Variants in NFIX observed in about 807,000 individuals in gnomAD.
NFIX encodes the protein nuclear factor I X.
NFIX carries 2 observed loss-of-function variants against 53.3 expected under a neutral mutation model. The ratio of observed to expected loss-of-function variants is 0.04; its 90% confidence interval spans 0.02 to 0.12. The LOEUF is 0.12. Ranked by LOEUF, NFIX falls within the 10% of genes least tolerant of loss-of-function variation. The pLI, the probability that NFIX is intolerant of heterozygous loss-of-function variation, is 1.00. For synonymous variants in NFIX, 244 were observed against 289.0 expected, an observed-to-expected ratio of 0.84 and a Z score of 1.58; for missense variants, 310 against 674.5, an observed-to-expected ratio of 0.46 and a Z score of 5.99.
chr19:13,018,637 C>A (rs2012799078), intron 1 of NFIX, among the ~76,000 whole-genome samples: 1 of 152,212 alleles, frequency 6.6e-6, no homozygotes, highest in South Asian at 2.1e-4. Context: ...TTCTCGTTGG[C>A]CCCCAACTGA....
rs1228869986 is a variant in NFIX, at chr19:13,098,782, G to T, written c.*4133G>T. 6.2e-6 allele frequency: 1 copy of T among 162,138 alleles called. No individual in the cohort carries two copies. Among genetic ancestry groups the T allele is most frequent in the Non-Finnish European group, 1.4e-5 (1 of 73,828 alleles). 10.0% of individuals were successfully genotyped at this position (162,138 alleles called of 1,614,324 possible). On this transcript the variant is annotated 3_prime_UTR_variant, in exon 11 of 11. Coordinates refer to ENST00000592199, the MANE Select transcript of NFIX (RefSeq NM_001365902.3). The stretch of plus-strand genomic sequence containing the variant: ...TGTGTATGTGAAATAAAGAAATAAA[G>T]AAAAACAAACGCGAGAGCGCCTGAC...
At position 13,037,811 on chromosome 19, in the gene NFIX, G is replaced by C. The variant is rs370782396; in HGVS notation, c.559+12259G>C. Among the ~76,000 whole-genome samples the C allele has an allele frequency of 4.6e-5, 7 of 152,090 alleles. No homozygotes were observed. The highest frequency in any genetic ancestry group is 1.9e-4 in the East Asian group (1 of 5,184). ...GAACACTTTTGGTTGTCACAGTTGT[G>C]GGGGGAGGGTGCTATTGGAATCTAG... On this transcript the variant is annotated intron_variant, in intron 2 of 10. Transcript: ENST00000592199. The surrounding 1 kb of genome is among the most constrained non-coding windows in gnomAD (Gnocchi z 4.2).
Position 13,013,120 on chromosome 19 carries a change from G to T in NFIX, c.28-11901G>T, listed in dbSNP as rs1032482127. Among the ~76,000 whole-genome samples, 1 of 151,266 alleles carries T rather than the reference G, an allele frequency of 6.6e-6. No homozygotes were observed. Among genetic ancestry groups the T allele is most frequent in the African/African-American group, 2.4e-5 (1 of 41,192 alleles). On this transcript the variant is annotated intron_variant, in intron 1 of 10. Transcript: ENST00000592199. The surrounding 1 kb of genome is among the most constrained non-coding windows in gnomAD (Gnocchi z 5.9). ...CCCCTCCAAGTCCCTTTCGATCTAC[G>T]CCACCTTCCCTCTCAGGGCTGATTT... is the stretch of plus-strand genomic sequence containing the variant.
Position 13,011,789 on chromosome 19 carries a change from G to A in NFIX, c.28-13232G>A, listed in dbSNP as rs2145155233. Among the ~76,000 whole-genome samples the A allele has an allele frequency of 6.6e-6, 1 of 152,248 alleles. No homozygotes were observed. Among genetic ancestry groups the A allele is most frequent in the African/African-American group, 2.4e-5 (1 of 41,540 alleles). Reference sequence around the variant, plus strand: ...CAAGTGCGCCCCTCGACAGGTGCCCGTCGCCCACAGGCTCCTTTCATTGTA... The same window carrying A: ...CAAGTGCGCCCCTCGACAGGTGCCCATCGCCCACAGGCTCCTTTCATTGTA... On this transcript the variant is annotated intron_variant, in intron 1 of 10. Transcript: ENST00000592199. The surrounding 1 kb of genome is among the most constrained non-coding windows in gnomAD (Gnocchi z 6.5).
Position 13,072,402 on chromosome 19 carries a change from G to A in NFIX, c.560-645G>A, listed in dbSNP as rs1187509913. On this transcript the variant is annotated intron_variant, in intron 2 of 10. Coordinates refer to ENST00000592199, the MANE Select transcript of NFIX (RefSeq NM_001365902.3). This position sits in a 1 kb window ranked among gnomAD's most constrained non-coding sequence, Gnocchi z 4.0. ...ACAGGCTGGCACAGAGCGGGCGACA[G>A]CGTCAGGGCAGACCTCCCCCCTCTG... Among the ~76,000 whole-genome samples, 1 of 152,270 alleles carries A rather than the reference G, an allele frequency of 6.6e-6. No individual in the cohort carries two copies. The highest frequency in any genetic ancestry group is 1.5e-5 in the Non-Finnish European group (1 of 68,052).
chr19:13,078,807 G>A lies in NFIX; in HGVS notation c.1078+72G>A, dbSNP rs1451138852. 6.7e-7 allele frequency: 1 copy of A among 1,492,692 alleles called. No homozygotes were observed. Among genetic ancestry groups the A allele is most frequent in the African/African-American group, 1.7e-5 (1 of 57,746 alleles). 92.5% of individuals were successfully genotyped at this position (1,492,692 alleles called of 1,614,324 possible). ...AGTATCTAGGGGCAGCTGGCCAGGT[G>A]AAGGGGCCAGAGCTGACCCCGAGTG... On this transcript the variant is annotated intron_variant, in intron 7 of 10. Coordinates refer to ENST00000592199, the MANE Select transcript of NFIX (RefSeq NM_001365902.3). This position sits in a 1 kb window ranked among gnomAD's most constrained non-coding sequence, Gnocchi z 4.7.
chr19:13,087,860 A>AGAG (rs2017878839), intron 8 of NFIX, 129 bp from the exon 9 acceptor site: 2 of 884,916 alleles, frequency 2.3e-6, no homozygotes, highest in African/African-American at 3.5e-5. Context: ...GCCCTGGAGG[A>AGAG]GAGGACCCAA....
intron 1 of NFIX, among the ~76,000 whole-genome samples, chr19:12,997,417 C>T (rs931586033): frequency 2.0e-5 from 3 of 152,178 alleles, no homozygotes; most frequent in Admixed American, 6.5e-5. Context: ...TTGGCGAGGG[C>T]GCACCGGCAT....
Position 12,995,782 on chromosome 19 carries a change from TGCCGG to T in NFIX, c.-52_-48del. ...CCCGAGCCCGAGCGCGGCCGCCGCC[TGCCGG>T]GCCTCCCCTCGCCGCGGCCGGCCGC... On this transcript the variant is annotated 5_prime_UTR_variant, in exon 1 of 11. Coordinates refer to ENST00000592199, the MANE Select transcript of NFIX (RefSeq NM_001365902.3). 1 of 868,302 alleles carries T rather than the reference TGCCGG, an allele frequency of 1.2e-6. No homozygotes were observed. Among genetic ancestry groups the T allele is most frequent in the Non-Finnish European group, 1.4e-6 (1 of 727,034 alleles). The allele number at this position is 868,302 out of a possible 1,614,324, so 53.8% of individuals were successfully genotyped here.
Position 13,011,485 on chromosome 19 carries a change from C to G in NFIX, c.28-13536C>G, listed in dbSNP as rs545713499. Among the ~76,000 whole-genome samples, 5 of 145,214 alleles carry G rather than the reference C, an allele frequency of 3.4e-5. No individual in the cohort carries two copies. Among genetic ancestry groups the G allele is most frequent in the African/African-American group, 9.9e-5 (4 of 40,434 alleles). On this transcript the variant is annotated intron_variant, in intron 1 of 10. Coordinates refer to ENST00000592199, the MANE Select transcript of NFIX (RefSeq NM_001365902.3). The surrounding 1 kb of genome is among the most constrained non-coding windows in gnomAD (Gnocchi z 6.5). Reference sequence around the variant, plus strand: ...GCGGTGGAGGCGAGTTCCCTGCGCGCATCATGGACTTCAGGAGTGAGGGTG... The same window carrying G: ...GCGGTGGAGGCGAGTTCCCTGCGCGGATCATGGACTTCAGGAGTGAGGGTG...
intron 2 of NFIX, among the ~76,000 whole-genome samples, chr19:13,039,373 G>T (rs1379999603): frequency 6.6e-6 from 1 of 152,130 alleles, no homozygotes; most frequent in Non-Finnish European, 1.5e-5. Context: ...GTAACTCAGA[G>T]ATTCATTAAT....
Position 13,025,550 on chromosome 19 carries a change from C to A in NFIX, c.557C>A (p.Pro186Gln). The change falls in exon 2 of 11, where the codon CCG (proline) becomes CAG (glutamine). Residue 186 changes from proline to glutamine, a missense_variant and splice_region_variant. Pro to Gln is a moderately conservative substitution (Grantham distance 76). Around this residue, in one of 5 missense-constraint regions of NFIX, gnomAD observed 164 missense variants for 284.4 expected, o/e 0.58. Transcript: ENST00000592199. This position sits in a 1 kb window ranked among gnomAD's most constrained non-coding sequence, Gnocchi z 7.5. ...DLYLAYFVHT[P>Q]ESGQSDSSNQ... The stretch of plus-strand genomic sequence containing the variant: ...TATCTGGCTTACTTTGTCCACACTC[C>A]GGGTAGGTCGTTCTCAACCATTTTT... 1 of 1,603,228 alleles carries A rather than the reference C, an allele frequency of 6.2e-7. No homozygotes were observed. Among genetic ancestry groups the A allele is most frequent in the Non-Finnish European group, 8.5e-7 (1 of 1,172,476 alleles).
In NFIX at chr19:13,078,558, C is replaced by T. The variant is rs1032672755; in HGVS notation, c.956-55C>T. On this transcript the variant is annotated intron_variant, in intron 6 of 10. Transcript: ENST00000592199. This position sits in a 1 kb window ranked among gnomAD's most constrained non-coding sequence, Gnocchi z 4.7. ...CGAGCTGCTGGCTTCCCGCCTTCCCCGCACCCACCCCAGCCCAGCTAAACC... is the reference window on the plus strand; with the variant it reads ...CGAGCTGCTGGCTTCCCGCCTTCCCTGCACCCACCCCAGCCCAGCTAAACC... 17 of 1,554,736 alleles carry T rather than the reference C, an allele frequency of 1.1e-5. 1 individual carries two copies. The highest frequency in any genetic ancestry group is 7.2e-5 in the East Asian group (3 of 41,616).
At position 13,078,549 on chromosome 19, in the gene NFIX, C is replaced by A. The variant is rs10407976; in HGVS notation, c.956-64C>A. 6.5e-7 allele frequency: 1 copy of A among 1,536,434 alleles called. No individual in the cohort carries two copies. Among genetic ancestry groups the A allele is most frequent in the Non-Finnish European group, 8.8e-7 (1 of 1,135,292 alleles). ...GAGAAGGAGCGAGCTGCTGGCTTCC[C>A]GCCTTCCCCGCACCCACCCCAGCCC... On this transcript the variant is annotated intron_variant, in intron 6 of 10. Coordinates refer to ENST00000592199, the MANE Select transcript of NFIX (RefSeq NM_001365902.3). This position sits in a 1 kb window ranked among gnomAD's most constrained non-coding sequence, Gnocchi z 4.7.
At chr19:13,034,932 G>A (rs534544417) in intron 2 of NFIX, among the ~76,000 whole-genome samples, 69 of 152,288 alleles carry the variant, frequency 4.5e-4, no homozygotes, top group African/African-American at 6.5e-4. Flanking sequence ...CGGAACTGTT[G>A]ACATTCGAGT....
At position 13,094,791 on chromosome 19, in the gene NFIX, C is replaced by A. The variant is rs753617428; in HGVS notation, c.*142C>A. 4 of 870,796 alleles carry A rather than the reference C, an allele frequency of 4.6e-6. No individual in the cohort carries two copies. Among genetic ancestry groups the A allele is most frequent in the Non-Finnish European group, 7.1e-6 (4 of 565,964 alleles). 53.9% of individuals were successfully genotyped at this position (870,796 alleles called of 1,614,324 possible). A position where few individuals can be genotyped will look rare whatever the true frequency, so the allele number is the denominator to read the frequency against. On this transcript the variant is annotated 3_prime_UTR_variant, in exon 11 of 11. Coordinates refer to ENST00000592199, the MANE Select transcript of NFIX (RefSeq NM_001365902.3). The surrounding 1 kb of genome is among the most constrained non-coding windows in gnomAD (Gnocchi z 4.3). ...ATTACACGTCGTCAGCCACTCAGCC[C>A]TTCTCTCCTCCAGCCCGGGGACCCC...
At chr19:13,074,718 T>A (rs1436411265) in intron 5 of NFIX, among the ~76,000 whole-genome samples, 1 of 151,236 alleles carries the variant, frequency 6.6e-6, no homozygotes, top group East Asian at 1.9e-4. Context: ...TTTTTTTTTT[T>A]TAAAACGGGT....
At chr19:13,019,091 A>G (rs1243266651) in intron 1 of NFIX, among the ~76,000 whole-genome samples, 1 of 151,212 alleles carries the variant, frequency 6.6e-6, no homozygotes, top group African/African-American at 2.4e-5. Flanking sequence ...TCTGGGCCTT[A>G]AAGCCAGCAG....
At chr19:13,031,130 A>C (rs2013769913) in intron 2 of NFIX, among the ~76,000 whole-genome samples, 1 of 152,140 alleles carries the variant, frequency 6.6e-6, no homozygotes. Flanking sequence ...GACTCCTTTG[A>C]CCACCTGCTC....
Sources: gnomAD v4.1 joint callset for allele counts (sites outside exome capture counted in the v4.1 genomes callset) on GRCh38, gnomAD v4.1.1 for gene constraint, gnomAD v4.1.1 regional missense constraint, Gnocchi (gnomAD v3.1) non-coding constraint, MANE v1.5 for transcripts, NCBI Gene and HGNC (gene_info 2026-07-23, HGNC 2026-07-21) for gene names.